UBE2D2: variants seen among roughly 807,000 people sequenced by gnomAD.
The protein encoded by UBE2D2 is ubiquitin-conjugating enzyme E2 D2.
In UBE2D2, 2 loss-of-function variants were observed where a neutral mutation model predicts 24.2. That is an observed-to-expected ratio of 0.08 (90% CI 0.03 to 0.26). The LOEUF is 0.26. UBE2D2 is among the 10% of genes least tolerant of loss of function. The pLI, the probability that UBE2D2 is intolerant of heterozygous loss-of-function variation, is 1.00. For synonymous variants in UBE2D2, 58 were observed against 56.5 expected, an observed-to-expected ratio of 1.03 and a Z score of -0.12; for missense variants, 44 against 177.6, an observed-to-expected ratio of 0.25 and a Z score of 4.28.
chr5:139,595,892 G>GTTTT (rs70988709), intron 1 of UBE2D2, among the ~76,000 whole-genome samples: 25 of 98,870 alleles, frequency 2.5e-4, no homozygotes, highest in South Asian at 3.5e-4. Context: ...GTTTTTTGTT[G>GTTTT]TTTTTTTTTT....
At chr5:139,534,748 T>TA (rs1192085619) in intron 1 of UBE2D2, among the ~76,000 whole-genome samples, 2 of 150,124 alleles carry the variant, frequency 1.3e-5, no homozygotes, top group African/African-American at 4.9e-5. Flanking sequence ...AAAAAAAGCA[T>TA]AAAAAAAAGA....
At chr5:139,598,552 CTTTT>C (rs746165110) in intron 1 of UBE2D2, among the ~76,000 whole-genome samples, 5 of 104,950 alleles carry the variant, frequency 4.8e-5, no homozygotes, top group African/African-American at 2.1e-4. Context: ...ACTACAAAGC[CTTTT>C]TTTTTTTTTT....
chr5:139,608,306 A>G (rs1249187912), intron 2 of UBE2D2, among the ~76,000 whole-genome samples: 1 of 151,938 alleles, frequency 6.6e-6, no homozygotes, highest in Non-Finnish European at 1.5e-5. Flanking sequence ...GGTGTTGCAC[A>G]CCTGTAATCC....
chr5:139,618,673 G>A (rs936795998), intron 5 of UBE2D2, among the ~76,000 whole-genome samples: 24 of 152,128 alleles, frequency 1.6e-4, no homozygotes, highest in African/African-American at 5.8e-4. Flanking sequence ...CCCTTGCCTA[G>A]CGTTGATTTT....
At chr5:139,554,315 C>T (rs759102406) in intron 1 of UBE2D2, among the ~76,000 whole-genome samples, 12 of 152,156 alleles carry the variant, frequency 7.9e-5, no homozygotes, top group Middle Eastern at 3.2e-3. Flanking sequence ...ACCACAGGCA[C>T]GTGCCACTGT....
chr5:139,623,410 A>T lies in UBE2D2; in HGVS notation c.347A>T (p.Asp116Val). The change falls in exon 6 of 7, where the codon GAT (aspartate) becomes GTT (valine). Residue 116 changes from aspartate to valine, a missense_variant. By Grantham distance (152) the Asp-to-Val change is radical. Transcript: ENST00000398733. ...ICSLLCDPNPDDPLVPEIARI... is the reference protein window; with the variant it reads ...ICSLLCDPNPVDPLVPEIARI... ...TCTCTGTTGTGTGATCCCAATCCAGATGATCCTTTAGTGCCTGAGATTGCT... is the reference window on the plus strand; with the variant it reads ...TCTCTGTTGTGTGATCCCAATCCAGTTGATCCTTTAGTGCCTGAGATTGCT... The T allele has an allele frequency of 6.2e-7, 1 of 1,604,846 alleles. No individual in the cohort carries two copies. The highest frequency in any genetic ancestry group is 8.5e-7 in the Non-Finnish European group (1 of 1,173,058).
chr5:139,545,793 T>G (rs1752819703), intron 1 of UBE2D2, among the ~76,000 whole-genome samples: 1 of 151,372 alleles, frequency 6.6e-6, no homozygotes, highest in South Asian at 2.1e-4. Flanking sequence ...GTGTGATCTC[T>G]GCTCACTGTA....
chr5:139,564,383 A>G (rs1581494266), intron 1 of UBE2D2, among the ~76,000 whole-genome samples: 1 of 150,764 alleles, frequency 6.6e-6, no homozygotes, highest in Non-Finnish European at 1.5e-5. Context: ...CTAGTTCCTG[A>G]CCTCCGGTGA....
intron 1 of UBE2D2, among the ~76,000 whole-genome samples, chr5:139,578,041 G>T (rs1399759265): frequency 6.6e-6 from 1 of 152,124 alleles, no homozygotes; most frequent in Non-Finnish European, 1.5e-5. Context: ...GAAGTCTTTT[G>T]GCATAGGTGC....
chr5:139,614,022 A>G (rs899900261), intron 2 of UBE2D2, among the ~76,000 whole-genome samples: 49 of 150,974 alleles, frequency 3.2e-4, no homozygotes, highest in Admixed American at 2.0e-3. Context: ...AAATTGCGCC[A>G]GCGCACTCCA....
chr5:139,564,961 T>C (rs1326261624), intron 1 of UBE2D2, among the ~76,000 whole-genome samples: 1 of 152,334 alleles, frequency 6.6e-6, no homozygotes, highest in East Asian at 1.9e-4. Flanking sequence ...TTAAGTTGAA[T>C]AGCTGACTTC....
At chr5:139,560,627 C>T (rs1448962485), upstream of UBE2D2, among the ~76,000 whole-genome samples, 6 of 152,190 alleles carry the variant, frequency 3.9e-5, no homozygotes, top group Admixed American at 1.3e-4. Flanking sequence ...TCACCGCGCC[C>T]AGCCGTTGGT....
intron 1 of UBE2D2, among the ~76,000 whole-genome samples, chr5:139,552,499 TTTC>T (rs1245708869): frequency 1.2e-4 from 17 of 141,820 alleles, no homozygotes; most frequent in African/African-American, 4.9e-4. Context: ...TTGTTTCTTT[TTTC>T]TTTTTTCTTT....
intron 1 of UBE2D2, among the ~76,000 whole-genome samples, chr5:139,599,214 C>T (rs1488015731): frequency 6.6e-6 from 1 of 151,878 alleles, no homozygotes; most frequent in African/African-American, 2.4e-5. Flanking sequence ...GGATTACAAG[C>T]ATGAGCCACT....
intron 1 of UBE2D2, among the ~76,000 whole-genome samples, chr5:139,563,749 G>A (rs1004475932): frequency 6.6e-6 from 1 of 152,072 alleles, no homozygotes; most frequent in Non-Finnish European, 1.5e-5. Flanking sequence ...TGGCTAACAC[G>A]GTGAAACCCC....
chr5:139,623,688 T>TTTTTTTGTTTG (rs1754561098), intron 6 of UBE2D2: 3 of 391,302 alleles, frequency 7.7e-6, no homozygotes, highest in Non-Finnish European at 9.2e-6. Flanking sequence ...ACAAAAACTT[T>TTTTTTTGTTTG]TTTTTTTGTT....
intron 1 of UBE2D2, among the ~76,000 whole-genome samples, chr5:139,533,885 C>A (rs1053449814): frequency 1.3e-5 from 2 of 150,130 alleles, no homozygotes; most frequent in Non-Finnish European, 3.0e-5. Context: ...CGGGTTCAAG[C>A]GATTCTCCTG....
chr5:139,533,962 T>C (rs1752630283), intron 1 of UBE2D2, among the ~76,000 whole-genome samples: 3 of 151,490 alleles, frequency 2.0e-5, no homozygotes. Flanking sequence ...TTTGTATATT[T>C]AGTAGAGACA....
At chr5:139,559,869 G>A (rs1306638862), upstream of UBE2D2, among the ~76,000 whole-genome samples, 2 of 152,148 alleles carry the variant, frequency 1.3e-5, no homozygotes, top group Non-Finnish European at 2.9e-5. Flanking sequence ...AAGGCCTCTA[G>A]CCCTGGCTTG....
Sources: gnomAD v4.1 joint callset for allele counts (sites outside exome capture counted in the v4.1 genomes callset) on GRCh38, gnomAD v4.1.1 for gene constraint, MANE v1.5 for transcripts, NCBI Gene and HGNC (gene_info 2026-07-23, HGNC 2026-07-21) for gene names.